GRAMD1A: variants seen among roughly 807,000 people sequenced by gnomAD.
GRAMD1A encodes GRAM domain containing 1A.
In GRAMD1A, 50 loss-of-function variants were observed where a neutral mutation model predicts 92.0. The ratio of observed to expected loss-of-function variants is 0.54; its 90% confidence interval spans 0.43 to 0.69. GRAMD1A has a LOEUF of 0.69. Ranked by LOEUF, GRAMD1A falls within the 30% of genes least tolerant of loss-of-function variation. GRAMD1A has a pLI of 0.00. For synonymous variants in GRAMD1A, 405 were observed against 403.6 expected (o/e 1.00, Z -0.04); for missense variants, 819 against 978.9 (o/e 0.84, Z 2.18).
intron 1 of GRAMD1A, chr19:35,005,780 A>G (rs542951257): frequency 4.6e-6 from 2 of 439,114 alleles, no homozygotes; most frequent in East Asian, 1.4e-4. Flanking sequence ...CTGTCATCAG[A>G]CAGTGACGGC....
rs2016054229 is a variant in GRAMD1A at position 35,021,568 on chromosome 19, C to T, written c.1542C>T (p.Asn514=). Residue 514 remains asparagine (N), a synonymous_variant, in exon 14 of 20, where the codon AAC becomes AAT. Transcript: ENST00000317991. The surrounding 1 kb of genome is among the most constrained non-coding windows in gnomAD (Gnocchi z 5.3). The part of the protein sequence containing the change: ...WSLVKSLIEK[N]SWSGIEDYFH... ...TGGTGAAGTCGCTCATTGAGAAGAA[C>T]TCGTGGAGCGGCATTGAAGACTATT... 3.1e-6 allele frequency: 5 copies of T among 1,614,156 alleles called. No individual in the cohort carries two copies. The highest frequency in any genetic ancestry group is 2.7e-5 in the African/African-American group (2 of 75,060).
In GRAMD1A at chr19:35,000,989, G is replaced by C. The variant is rs2014324708; in HGVS notation, c.8+503G>C. Among the ~76,000 whole-genome samples the C allele has an allele frequency of 6.6e-6, 1 of 152,084 alleles. No homozygotes were observed. Among genetic ancestry groups the C allele is most frequent in the African/African-American group, 2.4e-5 (1 of 41,412 alleles). On this transcript the variant is annotated intron_variant, in intron 1 of 19. Transcript: ENST00000317991. This position sits in a 1 kb window ranked among gnomAD's most constrained non-coding sequence, Gnocchi z 4.9. ...CTTGGCTGTTGCGGGTCTCGGGGCT[G>C]CCGGGGGTGGGGGCTTCCTGCGTCT...
At chr19:35,016,441 A>G (rs1050624266) in intron 11 of GRAMD1A, among the ~76,000 whole-genome samples, 14 of 151,482 alleles carry the variant, frequency 9.2e-5, no homozygotes, top group African/African-American at 3.4e-4. Context: ...TACTAAAAAT[A>G]CAAAAATCAG....
intron 7 of GRAMD1A, among the ~76,000 whole-genome samples, chr19:35,012,503 C>T (rs2015311611): frequency 6.6e-6 from 1 of 152,240 alleles, no homozygotes; most frequent in African/African-American, 2.4e-5. Context: ...GCTGAAAGCT[C>T]AAGGCTCCCG....
Position 35,000,430 on chromosome 19 carries a change from C to CCCGCG in GRAMD1A, c.-48_-47insCGCGC. 8.1e-7 allele frequency: 1 copy of CCCGCG among 1,227,538 alleles called. No homozygotes were observed. The highest frequency in any genetic ancestry group is 1.0e-6 in the Non-Finnish European group (1 of 982,232). 76.0% of individuals were successfully genotyped at this position (1,227,538 alleles called of 1,614,324 possible). On this transcript the variant is annotated 5_prime_UTR_variant, in exon 1 of 20. Coordinates refer to ENST00000317991, the MANE Select transcript of GRAMD1A (RefSeq NM_020895.5). This position sits in a 1 kb window ranked among gnomAD's most constrained non-coding sequence, Gnocchi z 4.9. Reference sequence around the variant, plus strand: ...CCAGCCCCGCGCAGCCCAGCCCTGCCCTGCCCTGCCCTGCCCTGCGCCCGG... The same window carrying CCCGCG: ...CCAGCCCCGCGCAGCCCAGCCCTGCCCCGCGCTGCCCTGCCCTGCCCTGCGCCCGG...
rs752297544 is a variant in GRAMD1A at position 35,019,388 on chromosome 19, C to T, written c.1333-3C>T. 2 of 1,613,732 alleles carry T rather than the reference C, an allele frequency of 1.2e-6. No homozygotes were observed. Among genetic ancestry groups the T allele is most frequent in the South Asian group, 2.2e-5 (2 of 91,068 alleles). On this transcript the variant is annotated splice_region_variant and splice_polypyrimidine_tract_variant and intron_variant, in intron 12 of 19. Transcript: ENST00000317991. ...CCTGACTTCTCCGGCTCTGTCCCTG[C>T]AGACGCTGTTCCGGCGCGGCCCCCA... is the stretch of plus-strand genomic sequence containing the variant.
Position 35,009,291 on chromosome 19 carries a change from C to T in GRAMD1A, c.181C>T (p.Gln61Ter). The change falls in exon 2 of 20, where the codon CAG (glutamine) becomes TAG (stop). Residue 61 changes from glutamine to a stop codon, truncating the protein, a stop_gained. Transcript: ENST00000317991. LOFTEE classifies it high-confidence loss of function. ...TGGGGTGCCTGGGACCCCCAGCACC[C>T]AGAGCCTAGGCAGCCGGAACTTCAT... ...KGGVPGTPST[Q>*]SLGSRNFIRN... is the part of the protein sequence containing the mutation. 6.2e-7 allele frequency: 1 copy of T among 1,614,088 alleles called. No homozygotes were observed.
intron 13 of GRAMD1A, among the ~76,000 whole-genome samples, chr19:35,020,947 G>A (rs2016006919): frequency 6.6e-6 from 1 of 152,246 alleles, no homozygotes. Flanking sequence ...AGATTCTGGA[G>A]AGATTTTGCA....
Position 35,022,039 on chromosome 19 carries a change from G to A in GRAMD1A, c.1841+1G>A. 1 of 1,609,766 alleles carries A rather than the reference G, an allele frequency of 6.2e-7. No individual in the cohort carries two copies. The highest frequency in any genetic ancestry group is 1.1e-5 in the South Asian group (1 of 90,796). On this transcript the variant is annotated splice_donor_variant, in intron 16 of 19. Transcript: ENST00000317991. LOFTEE classifies it high-confidence loss of function. ...GTGCCCTGGTTCTCATCAGCATTGT[G>A]TGAGTAAGAGACAGGAGCAGTGGCC...
In GRAMD1A at chr19:35,019,297, G is replaced by A. The variant is rs753488490; in HGVS notation, c.1320G>A (p.Val440=). The A allele has an allele frequency of 6.2e-7, 1 of 1,613,136 alleles. No individual in the cohort carries two copies. Among genetic ancestry groups the A allele is most frequent in the Non-Finnish European group, 8.5e-7 (1 of 1,179,390 alleles). Residue 440 remains valine (V), a synonymous_variant, in exon 12 of 20, where the codon GTG becomes GTA. Coordinates refer to ENST00000317991, the MANE Select transcript of GRAMD1A (RefSeq NM_020895.5). The part of the protein sequence containing the change: ...SNPLGPKSAS[V]VETQTLFRRG... ...CACTGGGCCCCAAGAGCGCCTCCGT[G>A]GTGGAGACACAGGTGGGCCAGGTGG...
chr19:35,006,271 G>A (rs2014806591), intron 1 of GRAMD1A, among the ~76,000 whole-genome samples: 1 of 152,190 alleles, frequency 6.6e-6, no homozygotes, highest in Admixed American at 6.5e-5. Flanking sequence ...GCACTGAGCT[G>A]AGATAGTGCC....
At position 35,015,976 on chromosome 19, in the gene GRAMD1A, G is replaced by A; in HGVS notation, c.1213+9G>A. The stretch of plus-strand genomic sequence containing the variant: ...GCAGTGCAAGTTCACAGGTCAGCGG[G>A]CGCATGAAGGAGAGGCTGAGGTTAC... On this transcript the variant is annotated intron_variant, in intron 11 of 19. Coordinates refer to ENST00000317991, the MANE Select transcript of GRAMD1A (RefSeq NM_020895.5). 6.2e-7 allele frequency: 1 copy of A among 1,611,364 alleles called. No homozygotes were observed. The highest frequency in any genetic ancestry group is 8.5e-7 in the Non-Finnish European group (1 of 1,178,532).
At chr19:35,010,455 A>G (rs2015149265) in intron 6 of GRAMD1A, 76 bp downstream of exon 6, 2 of 952,348 alleles carry the variant, frequency 2.1e-6, no homozygotes, top group African/African-American at 1.6e-5. Flanking sequence ...GCAAAGCCCC[A>G]TTTGTTCTGC....
chr19:35,001,670 C>T (rs2014384819), intron 1 of GRAMD1A, among the ~76,000 whole-genome samples: 1 of 151,934 alleles, frequency 6.6e-6, no homozygotes, highest in African/African-American at 2.4e-5. Flanking sequence ...TGCAGTGGCA[C>T]GATCTCGGCC....
At chr19:35,019,596 C>T in intron 13 of GRAMD1A, 63 bp downstream of exon 13, 1 of 1,508,748 alleles carries the variant, frequency 6.6e-7, no homozygotes. Context: ...CTGTCCACTC[C>T]TCAAGTCAGC....
Position 35,021,773 on chromosome 19 carries a change from G to A in GRAMD1A, c.1662G>A (p.Arg554=). ...DARGLLSGLR[R]RKRPLSWRAH... ...GGGGCTTGCTATCCGGCCTGCGGCG[G>A]CGGAAGCGGCCCCTGAGCTGGCGGG... The change falls in exon 15 of 20, where the codon CGG becomes CGA. Residue 554 remains arginine (R), a synonymous_variant. Coordinates refer to ENST00000317991, the MANE Select transcript of GRAMD1A (RefSeq NM_020895.5). This position sits in a 1 kb window ranked among gnomAD's most constrained non-coding sequence, Gnocchi z 5.3. The A allele has an allele frequency of 1.2e-6, 2 of 1,612,680 alleles. No homozygotes were observed. The highest frequency in any genetic ancestry group is 8.5e-7 in the Non-Finnish European group (1 of 1,179,650).
chr19:35,009,597 C>G, intron 3 of GRAMD1A, 154 bp downstream of exon 3: 1 of 810,654 alleles, frequency 1.2e-6, no homozygotes, highest in Admixed American at 1.9e-5. Flanking sequence ...GCTGTGTGAC[C>G]TTGGGTGAGT....
At chr19:34,995,166 G>C (rs1171452870) in intron 1 of GRAMD1A, among the ~76,000 whole-genome samples, 6 of 152,242 alleles carry the variant, frequency 3.9e-5, no homozygotes, top group African/African-American at 1.4e-4. Flanking sequence ...CGGCCTCTCT[G>C]TCTGTCCGGC....
chr19:35,007,808 G>A (rs565497614), intron 1 of GRAMD1A, among the ~76,000 whole-genome samples: 93 of 152,290 alleles, frequency 6.1e-4, no homozygotes, highest in African/African-American at 2.0e-3. Context: ...GGGAGCTCGA[G>A]GCTGCAGTGA....
Sources: allele counts gnomAD v4.1 joint callset (sites outside exome capture counted in the v4.1 genomes callset), GRCh38; gene constraint gnomAD v4.1.1; non-coding constraint Gnocchi (gnomAD v3.1); transcripts MANE v1.5; gene names NCBI Gene and HGNC (gene_info 2026-07-23, HGNC 2026-07-21).